Variants in SLC4A10 observed in about 807,000 individuals in gnomAD.
SLC4A10 encodes solute carrier family 4 member 10, also known as sodium-driven chloride bicarbonate exchanger.
SLC4A10 carries 42 observed loss-of-function variants against 137.7 expected under a neutral mutation model. That is an observed-to-expected ratio of 0.30 (90% confidence interval 0.24 to 0.39). The LOEUF is 0.39. SLC4A10 is among the 10% of genes least tolerant of loss of function. SLC4A10 has a pLI of 1.00. For synonymous variants in SLC4A10, 474 were observed against 464.1 expected (o/e 1.02, Z -0.27); for missense variants, 925 against 1,355.0 (o/e 0.68, Z 4.98).
intron 2 of SLC4A10, among the ~76,000 whole-genome samples, chr2:161,789,996 A>G (rs1167785608): frequency 6.6e-6 from 1 of 152,220 alleles, no homozygotes; most frequent in African/African-American, 2.4e-5. Flanking sequence ...CATTTCACAG[A>G]TAAAGAAACT....
chr2:161,928,649 C>CAAAAA (rs34327479), intron 15 of SLC4A10, among the ~76,000 whole-genome samples: 15 of 99,278 alleles, frequency 1.5e-4, no homozygotes, highest in South Asian at 3.2e-4. Context: ...TCCTTGAAAG[C>CAAAAA]AAAAAAAAAA....
chr2:161,720,830 T>G (rs1430889038), intron 1 of SLC4A10, among the ~76,000 whole-genome samples: 2 of 148,706 alleles, frequency 1.3e-5, no homozygotes, highest in African/African-American at 4.9e-5. Context: ...GACTCTTTTT[T>G]TTTTTTCTTT....
intron 1 of SLC4A10, among the ~76,000 whole-genome samples, chr2:161,687,342 G>C (rs1379914293): frequency 6.6e-6 from 1 of 152,130 alleles, no homozygotes; most frequent in Non-Finnish European, 1.5e-5. Flanking sequence ...CTTCAGGTGA[G>C]TTTTTCTTCT....
At chr2:161,890,548 C>T (rs907958341) in intron 10 of SLC4A10, among the ~76,000 whole-genome samples, 11 of 152,226 alleles carry the variant, frequency 7.2e-5, no homozygotes, top group African/African-American at 2.2e-4. Flanking sequence ...AGGTAATGCC[C>T]TTCTTTGTCT....
chr2:161,778,060 T>C (rs1357651799), intron 2 of SLC4A10, among the ~76,000 whole-genome samples: 1 of 151,946 alleles, frequency 6.6e-6, no homozygotes, highest in African/African-American at 2.4e-5. Flanking sequence ...ATTTCCCATG[T>C]TTTAGCAAGT....
chr2:161,929,496 A>T (rs1478063138), intron 15 of SLC4A10, among the ~76,000 whole-genome samples: 1 of 152,228 alleles, frequency 6.6e-6, no homozygotes, highest in Non-Finnish European at 1.5e-5. Context: ...TGGCAGTTTC[A>T]ACAAGTCACA....
intron 1 of SLC4A10, among the ~76,000 whole-genome samples, chr2:161,679,677 G>A (rs1003358136): frequency 3.2e-5 from 4 of 126,814 alleles, no homozygotes; most frequent in Non-Finnish European, 6.5e-5. Context: ...AACCTCAATT[G>A]TAGGTCAACG....
chr2:161,879,094 A>G lies in SLC4A10; in HGVS notation c.949-37A>G, dbSNP rs980554357. On this transcript the variant is annotated intron_variant, in intron 8 of 26. Coordinates refer to ENST00000446997, the MANE Select transcript of SLC4A10 (RefSeq NM_001178015.2). ...GAATATGATTTACCAGATTTTTCCAATTTTGATTTATCATATTTACCTGGT... is the reference window on the plus strand; with the variant it reads ...GAATATGATTTACCAGATTTTTCCAGTTTTGATTTATCATATTTACCTGGT... 5.0e-6 allele frequency: 8 copies of G among 1,602,472 alleles called. No homozygotes were observed. The African/African-American group carries it at 5.4e-5, about 11-fold the overall frequency.
At chr2:161,781,308 C>A (rs1451279117) in intron 2 of SLC4A10, among the ~76,000 whole-genome samples, 3 of 151,998 alleles carry the variant, frequency 2.0e-5, no homozygotes, top group Non-Finnish European at 4.4e-5. Context: ...GTGTGCTTTA[C>A]TTGGTGAGTG....
At chr2:161,786,510 G>C (rs535515469) in intron 2 of SLC4A10, among the ~76,000 whole-genome samples, 12 of 150,366 alleles carry the variant, frequency 8.0e-5, no homozygotes, top group Admixed American at 2.6e-4. Flanking sequence ...AGGATCTTTG[G>C]ATTTTGTACT....
chr2:161,693,168 A>C (rs1256072735), intron 1 of SLC4A10, among the ~76,000 whole-genome samples: 1 of 152,026 alleles, frequency 6.6e-6, no homozygotes, highest in East Asian at 1.9e-4. Context: ...AAACTTCTTT[A>C]CGATTTCAAA....
intron 21 of SLC4A10, among the ~76,000 whole-genome samples, chr2:161,962,417 A>C (rs1280244109): frequency 6.6e-6 from 1 of 152,180 alleles, no homozygotes; most frequent in East Asian, 1.9e-4. Context: ...AACTAGTTCT[A>C]TAGAAAAGGA....
At chr2:161,793,729 G>C (rs2054460529) in intron 2 of SLC4A10, among the ~76,000 whole-genome samples, 1 of 152,050 alleles carries the variant, frequency 6.6e-6, no homozygotes, top group Non-Finnish European at 1.5e-5. Context: ...GCTTTTGTCT[G>C]GTCTCTGGGG....
At chr2:161,916,111 G>T (rs1304146912) in intron 15 of SLC4A10, among the ~76,000 whole-genome samples, 1 of 152,158 alleles carries the variant, frequency 6.6e-6, no homozygotes, top group East Asian at 1.9e-4. Context: ...CCAGAACTGT[G>T]AGAAAATAAA....
At chr2:161,754,222 C>T (rs934542859) in intron 1 of SLC4A10, among the ~76,000 whole-genome samples, 3 of 151,932 alleles carry the variant, frequency 2.0e-5, no homozygotes, top group Non-Finnish European at 2.9e-5. Context: ...GTTGTATTGT[C>T]GACTTCTAAA....
intron 2 of SLC4A10, among the ~76,000 whole-genome samples, chr2:161,779,593 CATAATT>C (rs2052768719): frequency 6.6e-6 from 1 of 151,738 alleles, no homozygotes; most frequent in East Asian, 1.9e-4. Flanking sequence ...GTGCACATCT[CATAATT>C]ATAATATTTT....
intron 15 of SLC4A10, among the ~76,000 whole-genome samples, chr2:161,933,642 G>T (rs62189662): frequency 0.067 from 10,208 of 152,202 alleles, 450 homozygotes; most frequent in East Asian, 0.13. Flanking sequence ...CAATCCTCCT[G>T]CCTTGGCCTC....
rs2048420448 is a variant in SLC4A10 at position 161,746,696 on chromosome 2, C to T, written c.49-24277C>T. 6.6e-5 allele frequency among the ~76,000 whole-genome samples: 10 copies of T among 152,158 alleles called. No individual in the cohort carries two copies. The South Asian group carries it at 1.9e-3, about 28-fold the overall frequency. On this transcript the variant is annotated intron_variant, in intron 1 of 26. Coordinates refer to ENST00000446997, the MANE Select transcript of SLC4A10 (RefSeq NM_001178015.2). ...ACAGCTGGGAATGTGCTGGGTTACA[C>T]CTGAAGCTAGCATGGTACTGGGTCT...
At chr2:161,626,545 C>A (rs2032406739) in intron 1 of SLC4A10, among the ~76,000 whole-genome samples, 1 of 152,040 alleles carries the variant, frequency 6.6e-6, no homozygotes, top group Non-Finnish European at 1.5e-5. Context: ...AAAAACAAGC[C>A]TGAGGGGCTA....
Sources: allele counts gnomAD v4.1 joint callset (sites outside exome capture counted in the v4.1 genomes callset), GRCh38; gene constraint gnomAD v4.1.1; transcripts MANE v1.5; gene names NCBI Gene and HGNC (gene_info 2026-07-23, HGNC 2026-07-21).